The following MMP16 variants were observed in gnomAD, a reference collection of about 807,000 sequenced individuals.
MMP16 encodes matrix metalloproteinase-16.
In MMP16, 12 loss-of-function variants were observed where a neutral mutation model predicts 67.8. That is an observed-to-expected ratio of 0.18 (90% CI 0.11 to 0.29). The LOEUF (loss-of-function observed/expected upper bound fraction) is 0.29, where lower values mean the gene tolerates loss of function less well. Among genes scored for constraint, MMP16 ranks in the 10% least tolerant of loss-of-function variants. MMP16 has a pLI of 1.00. For missense variants in MMP16, 475 were observed against 765.7 expected (o/e 0.62, Z 4.48); for synonymous variants, 249 against 255.9 (o/e 0.97, Z 0.26).
intron 2 of MMP16, among the ~76,000 whole-genome samples, chr8:88,192,267 CAG>C (rs1809180640): frequency 6.6e-6 from 1 of 152,044 alleles, no homozygotes; most frequent in Admixed American, 6.6e-5. Flanking sequence ...CATTCCAGTC[CAG>C]AGTTTCTTTT....
At chr8:88,102,782 T>A (rs1165063615) in intron 6 of MMP16, among the ~76,000 whole-genome samples, 1 of 151,816 alleles carries the variant, frequency 6.6e-6, no homozygotes, top group Non-Finnish European at 1.5e-5. Flanking sequence ...TATGTCAGGG[T>A]CCAAGACCAA....
At chr8:88,057,043 G>T (rs1317799561) in intron 7 of MMP16, among the ~76,000 whole-genome samples, 1 of 151,924 alleles carries the variant, frequency 6.6e-6, no homozygotes. Context: ...TTCCCTTTCT[G>T]GTATGCCTAT....
At chr8:88,211,188 T>G (rs1809506777) in intron 1 of MMP16, among the ~76,000 whole-genome samples, 1 of 152,184 alleles carries the variant, frequency 6.6e-6, no homozygotes, top group African/African-American at 2.4e-5. Flanking sequence ...AGAAATCCAC[T>G]GTCTGGTTTC....
chr8:88,079,974 T>C (rs1012615099), intron 6 of MMP16, among the ~76,000 whole-genome samples: 8 of 152,320 alleles, frequency 5.3e-5, no homozygotes, highest in African/African-American at 1.7e-4. Flanking sequence ...TGTTCTGGTA[T>C]AGCACATCCT....
At chr8:88,141,919 G>GTT (rs200516354) in intron 4 of MMP16, among the ~76,000 whole-genome samples, 375 of 145,186 alleles carry the variant, frequency 2.6e-3, no homozygotes, top group Middle Eastern at 0.018. Context: ...ACATAAATAT[G>GTT]TTTTTTTTTT....
chr8:88,186,821 A>G (rs1049032544), intron 2 of MMP16, among the ~76,000 whole-genome samples: 3 of 152,188 alleles, frequency 2.0e-5, no homozygotes, highest in Non-Finnish European at 4.4e-5. Context: ...CTAGTTTACT[A>G]TTCAGATCCT....
rs114653866 is a variant in MMP16 at position 88,307,162 on chromosome 8, C to T, written c.132+19913G>A. Among the ~76,000 whole-genome samples, 706 of 152,252 alleles carry T rather than the reference C, an allele frequency of 4.6e-3. 5 individuals are homozygous for T. Among genetic ancestry groups the T allele is most frequent in the African/African-American group, 0.016 (661 of 41,560 alleles). ...AGCAGAGAACCAAATCAAGGTCTCACGTTTAAGATATCTGCAACTGCCCCA... is the reference window on the plus strand; with the variant it reads ...AGCAGAGAACCAAATCAAGGTCTCATGTTTAAGATATCTGCAACTGCCCCA... On this transcript the variant is annotated intron_variant, in intron 1 of 9. Coordinates refer to ENST00000286614, the MANE Select transcript of MMP16 (RefSeq NM_005941.5).
intron 1 of MMP16, among the ~76,000 whole-genome samples, chr8:88,292,651 G>C (rs2130021701): frequency 6.6e-6 from 1 of 152,262 alleles, no homozygotes; most frequent in Middle Eastern, 3.4e-3. Flanking sequence ...GAAATAAGTT[G>C]TATCTAGCAT....
At chr8:88,203,569 T>A (rs1018951979) in intron 1 of MMP16, among the ~76,000 whole-genome samples, 3 of 152,070 alleles carry the variant, frequency 2.0e-5, no homozygotes, top group African/African-American at 7.2e-5. Flanking sequence ...GGAGCTGGAG[T>A]TCCACAGTGC....
chr8:88,209,382 T>C (rs1809478630), intron 1 of MMP16, among the ~76,000 whole-genome samples: 1 of 152,194 alleles, frequency 6.6e-6, no homozygotes, highest in South Asian at 2.1e-4. Context: ...ATTTTCTTAA[T>C]AACATTTTCC....
At chr8:88,083,334 G>A (rs1808783768) in intron 6 of MMP16, among the ~76,000 whole-genome samples, 1 of 151,988 alleles carries the variant, frequency 6.6e-6, no homozygotes, top group Non-Finnish European at 1.5e-5. Flanking sequence ...CCTATTAGAA[G>A]GAATCAGGGC....
chr8:88,055,950 A>G (rs1056942401), intron 8 of MMP16, among the ~76,000 whole-genome samples, 178 bp downstream of exon 8: 1 of 152,252 alleles, frequency 6.6e-6, no homozygotes, highest in South Asian at 2.1e-4. Flanking sequence ...AGCTGAATAT[A>G]TTAGAGAAAG....
At chr8:88,045,278 T>A (rs1445772854) in intron 9 of MMP16, among the ~76,000 whole-genome samples, 1 of 152,178 alleles carries the variant, frequency 6.6e-6, no homozygotes, top group African/African-American at 2.4e-5. Flanking sequence ...ATTTTTCTGA[T>A]TGGTATTAAT....
chr8:88,095,831 A>G (rs1004930681), intron 6 of MMP16, among the ~76,000 whole-genome samples: 1 of 151,958 alleles, frequency 6.6e-6, no homozygotes, highest in African/African-American at 2.4e-5. Context: ...AATTCATTTA[A>G]TAAATAACTA....
At chr8:88,166,126 C>A (rs1248020596) in intron 4 of MMP16, among the ~76,000 whole-genome samples, 2 of 151,958 alleles carry the variant, frequency 1.3e-5, no homozygotes, top group African/African-American at 4.8e-5. Context: ...CCCTGGGTAT[C>A]CTAAAACTGC....
chr8:88,050,313 A>T (rs554657661), intron 8 of MMP16, among the ~76,000 whole-genome samples: 62 of 152,326 alleles, frequency 4.1e-4, no homozygotes, highest in African/African-American at 1.4e-3. Flanking sequence ...ACAGAGAGAG[A>T]CTTCATCTCA....
chr8:88,162,557 T>C (rs1808646174), intron 4 of MMP16, among the ~76,000 whole-genome samples: 1 of 152,046 alleles, frequency 6.6e-6, no homozygotes, highest in Non-Finnish European at 1.5e-5. Context: ...AACTCGAGGA[T>C]AGATGAATTT....
intron 6 of MMP16, among the ~76,000 whole-genome samples, chr8:88,115,211 T>G (rs1348922597): frequency 1.3e-5 from 2 of 152,026 alleles, no homozygotes; most frequent in African/African-American, 4.8e-5. Flanking sequence ...TCATCAGGTG[T>G]CTTTTAGAAT....
At chr8:88,075,344 C>T (rs1228516363) in intron 6 of MMP16, among the ~76,000 whole-genome samples, 5 of 152,140 alleles carry the variant, frequency 3.3e-5, no homozygotes, top group African/African-American at 1.2e-4. Flanking sequence ...CCTTTCCTAT[C>T]TGCTCTAGTA....
Sources: allele counts gnomAD v4.1 joint callset (sites outside exome capture counted in the v4.1 genomes callset), GRCh38; gene constraint gnomAD v4.1.1; transcripts MANE v1.5; gene names NCBI Gene and HGNC (gene_info 2026-07-23, HGNC 2026-07-21).